The following ITGBL1 variants were observed in gnomAD, a reference collection of about 807,000 sequenced individuals.
ITGBL1 encodes the protein integrin subunit beta like 1, also known as integrin beta-like protein 1.
A neutral mutation model predicts 68.5 loss-of-function variants in ITGBL1; 51 were observed. That is an observed-to-expected ratio of 0.74 (90% confidence interval 0.59 to 0.94). ITGBL1 has a LOEUF of 0.94. Among genes scored for constraint, ITGBL1 ranks in the 40% least tolerant of loss-of-function variants. The pLI, the probability that ITGBL1 is intolerant of heterozygous loss-of-function variation, is 0.00. For missense variants in ITGBL1, 649 were observed against 647.4 expected (o/e 1.00, Z -0.03); for synonymous variants, 209 against 227.3 (o/e 0.92, Z 0.72).
intron 6 of ITGBL1, among the ~76,000 whole-genome samples, chr13:101,590,331 C>T (rs1349965439): frequency 6.6e-6 from 1 of 152,098 alleles, no homozygotes; most frequent in Non-Finnish European, 1.5e-5. Flanking sequence ...AACTTAAGAA[C>T]GTTCTCCCTT....
At position 101,579,318 on chromosome 13, in the gene ITGBL1, C is replaced by T; in HGVS notation, c.618C>T (p.Tyr206=). The T allele has an allele frequency of 6.2e-7, 1 of 1,613,906 alleles. No homozygotes were observed. Among genetic ancestry groups the T allele is most frequent in the African/African-American group, 1.3e-5 (1 of 75,024 alleles). The stretch of plus-strand genomic sequence containing the variant: ...GGAAGTGTTACTGTGGAAACTGCTA[C>T]TGCAAGGCTGGTTGGCATGGAGATA... ...GHGKCYCGNC[Y]CKAGWHGDKC... The change falls in exon 5 of 11, where the codon TAC becomes TAT. Residue 206 remains tyrosine, a synonymous_variant. Coordinates refer to ENST00000376180, the MANE Select transcript of ITGBL1 (RefSeq NM_004791.3).
intron 2 of ITGBL1, among the ~76,000 whole-genome samples, chr13:101,457,103 A>C (rs1446577804): frequency 6.6e-6 from 1 of 152,214 alleles, no homozygotes; most frequent in Non-Finnish European, 1.5e-5. Context: ...AAATACTTAG[A>C]CTAGTGTCTG....
At chr13:101,607,556 G>A (rs1263680573) in intron 7 of ITGBL1, among the ~76,000 whole-genome samples, 2 of 151,792 alleles carry the variant, frequency 1.3e-5, no homozygotes, top group Non-Finnish European at 2.9e-5. Context: ...TCTTGCAGCA[G>A]GATTCATGTA....
chr13:101,549,631 T>A (rs1037466178), intron 2 of ITGBL1, among the ~76,000 whole-genome samples: 3 of 151,910 alleles, frequency 2.0e-5, no homozygotes, highest in Non-Finnish European at 4.4e-5. Context: ...TCTAAGAAAA[T>A]TTTTTAAAAG....
chr13:101,549,784 A>G (rs1411346580), intron 2 of ITGBL1, among the ~76,000 whole-genome samples: 1 of 151,806 alleles, frequency 6.6e-6, no homozygotes, highest in East Asian at 1.9e-4. Flanking sequence ...TTTTTTTGTT[A>G]TGTGTTGGTA....
intron 7 of ITGBL1, among the ~76,000 whole-genome samples, chr13:101,664,616 C>G (rs1470856750): frequency 6.6e-6 from 1 of 152,108 alleles, no homozygotes; most frequent in Non-Finnish European, 1.5e-5. Context: ...TTTCACTGCA[C>G]TGTAACATTA....
intron 2 of ITGBL1, among the ~76,000 whole-genome samples, chr13:101,520,120 A>C (rs1361164659): frequency 6.6e-6 from 1 of 152,154 alleles, no homozygotes; most frequent in Non-Finnish European, 1.5e-5. Context: ...TAGAATTTGT[A>C]CTCAAGTTCC....
At chr13:101,585,915 AT>A (rs1221763697) in intron 6 of ITGBL1, among the ~76,000 whole-genome samples, 1 of 152,102 alleles carries the variant, frequency 6.6e-6, no homozygotes, top group Non-Finnish European at 1.5e-5. Flanking sequence ...GTTGATCCTG[AT>A]TTTGGACTGG....
intron 8 of ITGBL1, among the ~76,000 whole-genome samples, chr13:101,696,170 G>A (rs1025730431): frequency 4.6e-5 from 7 of 152,110 alleles, no homozygotes; most frequent in African/African-American, 1.7e-4. Context: ...ACTCCCATGG[G>A]TATATCCTGG....
chr13:101,603,097 G>A (rs935014226), intron 7 of ITGBL1, among the ~76,000 whole-genome samples: 3 of 151,932 alleles, frequency 2.0e-5, no homozygotes. Flanking sequence ...CTGTATCTGT[G>A]AGTGGAATTG....
At chr13:101,657,965 C>T (rs576470282) in intron 7 of ITGBL1, among the ~76,000 whole-genome samples, 11 of 152,292 alleles carry the variant, frequency 7.2e-5, no homozygotes, top group African/African-American at 2.6e-4. Context: ...TTTTAAAAGA[C>T]TTCTGTAGGA....
At chr13:101,478,979 A>G (rs1204437143) in intron 2 of ITGBL1, among the ~76,000 whole-genome samples, 1 of 152,066 alleles carries the variant, frequency 6.6e-6, no homozygotes, top group Non-Finnish European at 1.5e-5. Context: ...TTATTGAACT[A>G]CAAAATACCC....
intron 4 of ITGBL1, among the ~76,000 whole-genome samples, chr13:101,576,193 C>T (rs1178903807): frequency 6.6e-6 from 1 of 152,110 alleles, no homozygotes; most frequent in African/African-American, 2.4e-5. Context: ...GAACCTGGGA[C>T]GTGGATAAAT....
intron 2 of ITGBL1, among the ~76,000 whole-genome samples, chr13:101,516,573 G>GA (rs2049198991): frequency 1.3e-5 from 2 of 152,008 alleles, no homozygotes; most frequent in African/African-American, 4.8e-5. Flanking sequence ...AGAAAAGGTA[G>GA]AAAAAATGCA....
At chr13:101,494,728 A>G (rs1594845620) in intron 2 of ITGBL1, among the ~76,000 whole-genome samples, 1 of 152,366 alleles carries the variant, frequency 6.6e-6, no homozygotes, top group South Asian at 2.1e-4. Flanking sequence ...AAGACAATAT[A>G]TGGAAATATG....
intron 7 of ITGBL1, among the ~76,000 whole-genome samples, chr13:101,604,948 G>GCA: frequency 1.6e-4 from 1 of 6,076 alleles, no homozygotes; most frequent in African/African-American, 2.4e-4. Context: ...GTATATATGT[G>GCA]TACATGTGTA....
chr13:101,490,866 TC>T (rs2048765986), intron 2 of ITGBL1, among the ~76,000 whole-genome samples: 1 of 152,154 alleles, frequency 6.6e-6, no homozygotes, highest in African/African-American at 2.4e-5. Context: ...AACAGGTTTT[TC>T]CCTTGATTAG....
intron 7 of ITGBL1, among the ~76,000 whole-genome samples, chr13:101,691,015 C>T (rs1018602878): frequency 6.6e-6 from 1 of 152,166 alleles, no homozygotes; most frequent in Non-Finnish European, 1.5e-5. Flanking sequence ...TTCCTGCTGC[C>T]ATCACTTCTG....
chr13:101,575,035 T>C lies in ITGBL1; in HGVS notation c.464-389T>C, dbSNP rs549288013. ...GTGCAAAACATTGAATAAATACTGG[T>C]GAGGAAGATAAGCAAGGTTGCTTCC... On this transcript the variant is annotated intron_variant, in intron 3 of 10. Coordinates refer to ENST00000376180, the MANE Select transcript of ITGBL1 (RefSeq NM_004791.3). Among the ~76,000 whole-genome samples, 17 of 152,286 alleles carry C rather than the reference T, an allele frequency of 1.1e-4. No individual in the cohort carries two copies. The East Asian group carries it at 3.3e-3, about 29-fold the overall frequency.
Sources: gnomAD v4.1 joint callset for allele counts (sites outside exome capture counted in the v4.1 genomes callset) on GRCh38, gnomAD v4.1.1 for gene constraint, MANE v1.5 for transcripts, NCBI Gene and HGNC (gene_info 2026-07-23, HGNC 2026-07-21) for gene names.